Variants in SV2B observed in about 807,000 individuals in gnomAD.
SV2B encodes the protein solute carrier family 22 member B2.
A neutral mutation model predicts 73.9 loss-of-function variants in SV2B; 41 were observed. That is an observed-to-expected ratio of 0.56 (90% CI 0.43 to 0.72). SV2B has a LOEUF of 0.72. SV2B is among the 30% of genes least tolerant of loss of function. The pLI is 0.00. For missense variants in SV2B, 764 were observed against 857.8 expected, an observed-to-expected ratio of 0.89 and a Z score of 1.37; for synonymous variants, 314 against 314.2, an observed-to-expected ratio of 1.00 and a Z score of 0.01.
In SV2B at chr15:91,231,677, T is replaced by C. The variant is rs1233447049; in HGVS notation, c.451+4963T>C. Among the ~76,000 whole-genome samples the C allele has an allele frequency of 6.6e-6, 1 of 152,192 alleles. No individual in the cohort carries two copies. The highest frequency in any genetic ancestry group is 1.5e-5 in the Non-Finnish European group (1 of 68,038). ...CAACCTGGAACTGTGGGCTATTCCC[T>C]ACCTTCATGCCTATAATAGTGAGCT... is the stretch of plus-strand genomic sequence containing the variant. On this transcript the variant is annotated intron_variant, in intron 2 of 12. Transcript: ENST00000394232. This position sits in a 1 kb window ranked among gnomAD's most constrained non-coding sequence, Gnocchi z 4.5.
At chr15:91,111,948 G>A (rs908795808) in intron 1 of SV2B, among the ~76,000 whole-genome samples, 3 of 152,036 alleles carry the variant, frequency 2.0e-5, no homozygotes, top group Non-Finnish European at 4.4e-5. Flanking sequence ...AGCACCAAGG[G>A]AATGGTGCCA....
At chr15:91,185,552 G>C (rs958516934) in intron 1 of SV2B, among the ~76,000 whole-genome samples, 4 of 152,158 alleles carry the variant, frequency 2.6e-5, no homozygotes, top group Non-Finnish European at 5.9e-5. Context: ...TAAAGCACAT[G>C]GGGAGGAATG....
chr15:91,225,495 A>C (rs1358452934), intron 1 of SV2B, among the ~76,000 whole-genome samples: 1 of 152,214 alleles, frequency 6.6e-6, no homozygotes, highest in Non-Finnish European at 1.5e-5. Flanking sequence ...TGACCACTTT[A>C]TATTTCATTC....
rs1042158034 is a variant in SV2B at position 91,284,358 on chromosome 15, C to G, written c.1708+137C>G. Reference sequence around the variant, plus strand: ...CCAACAAGTAAGATTGCACCCAGGGCTATAGAGCCAAGGATGTGTGCCTAC... The same window carrying G: ...CCAACAAGTAAGATTGCACCCAGGGGTATAGAGCCAAGGATGTGTGCCTAC... On this transcript the variant is annotated intron_variant, in intron 11 of 12. Transcript: ENST00000394232. The surrounding 1 kb of genome is among the most constrained non-coding windows in gnomAD (Gnocchi z 4.5). The G allele has an allele frequency of 5.3e-6, 5 of 942,684 alleles. No individual in the cohort carries two copies. Among genetic ancestry groups the G allele is most frequent in the Admixed American group, 2.5e-5 (1 of 40,698 alleles). The allele number at this position is 942,684 out of a possible 1,614,324, so 58.4% of individuals were successfully genotyped here.
chr15:91,286,279 AG>A (rs969335154), intron 11 of SV2B, among the ~76,000 whole-genome samples: 73 of 152,322 alleles, frequency 4.8e-4, no homozygotes, highest in African/African-American at 1.6e-3. Context: ...ACTTTGAAAT[AG>A]CCCTATCCCC....
intron 1 of SV2B, among the ~76,000 whole-genome samples, chr15:91,166,392 C>A (rs1023290616): frequency 1.3e-4 from 19 of 151,720 alleles, no homozygotes; most frequent in African/African-American, 4.6e-4. Flanking sequence ...CTTAGTTTTT[C>A]CACAGTTTGA....
At chr15:91,257,337 G>A (rs1268970076) in intron 4 of SV2B, among the ~76,000 whole-genome samples, 1 of 152,126 alleles carries the variant, frequency 6.6e-6, no homozygotes, top group Non-Finnish European at 1.5e-5. Flanking sequence ...CAGTTCGATG[G>A]GATCAGACCA....
chr15:91,112,364 G>A (rs934240669), intron 1 of SV2B, among the ~76,000 whole-genome samples: 1 of 152,158 alleles, frequency 6.6e-6, no homozygotes, highest in Non-Finnish European at 1.5e-5. Flanking sequence ...ATGTGTGGCC[G>A]GGTGTGAATT....
rs537385411 is a variant in SV2B at position 91,140,560 on chromosome 15, C to G, written c.-392+40197C>G. 3.1e-4 allele frequency among the ~76,000 whole-genome samples: 47 copies of G among 152,196 alleles called. No individual in the cohort carries two copies. The highest frequency in any genetic ancestry group is 5.7e-4 in the Non-Finnish European group (39 of 68,034). ...GTTAGCACTAGCTCATTCATTAGGT[C>G]TGCTTCCATTTAACCCGAGGCCTGA... On this transcript the variant is annotated intron_variant, in intron 1 of 12. Coordinates refer to ENST00000394232, the MANE Select transcript of SV2B (RefSeq NM_001323032.3). The surrounding 1 kb of genome is among the most constrained non-coding windows in gnomAD (Gnocchi z 4.4).
chr15:91,123,999 A>G lies in SV2B; in HGVS notation c.-392+23636A>G, dbSNP rs1190076870. Reference sequence around the variant, plus strand: ...ACCTAGAGAAAATATTCAGCTTGCAAGCTGCTAGTTCACAGACAGGCTTGA... The same window carrying G: ...ACCTAGAGAAAATATTCAGCTTGCAGGCTGCTAGTTCACAGACAGGCTTGA... On this transcript the variant is annotated intron_variant, in intron 1 of 12. Coordinates refer to ENST00000394232, the MANE Select transcript of SV2B (RefSeq NM_001323032.3). This position sits in a 1 kb window ranked among gnomAD's most constrained non-coding sequence, Gnocchi z 4.7. Among the ~76,000 whole-genome samples, 1 of 152,192 alleles carries G rather than the reference A, an allele frequency of 6.6e-6. No homozygotes were observed. Among genetic ancestry groups the G allele is most frequent in the East Asian group, 1.9e-4 (1 of 5,198 alleles).
intron 1 of SV2B, among the ~76,000 whole-genome samples, chr15:91,152,064 T>G (rs2043329302): frequency 7.7e-6 from 1 of 130,284 alleles, no homozygotes; most frequent in Non-Finnish European, 1.6e-5. Context: ...CTGAGTTAAT[T>G]TTTACTCTTT....
In SV2B at chr15:91,129,782, C is replaced by T. The variant is rs959736665; in HGVS notation, c.-392+29419C>T. Among the ~76,000 whole-genome samples, 43 of 152,322 alleles carry T rather than the reference C, an allele frequency of 2.8e-4. No individual in the cohort carries two copies. The highest frequency in any genetic ancestry group is 2.4e-3 in the Admixed American group (37 of 15,302). Reference sequence around the variant, plus strand: ...GAGTTGGAGAGCCTGGATTAGAATCCCAGCCCTGCCACTTACTAACTGTGT... The same window carrying T: ...GAGTTGGAGAGCCTGGATTAGAATCTCAGCCCTGCCACTTACTAACTGTGT... On this transcript the variant is annotated intron_variant, in intron 1 of 12. Coordinates refer to ENST00000394232, the MANE Select transcript of SV2B (RefSeq NM_001323032.3). The surrounding 1 kb of genome is among the most constrained non-coding windows in gnomAD (Gnocchi z 5.1).
intron 1 of SV2B, among the ~76,000 whole-genome samples, chr15:91,204,287 T>G (rs945990639): frequency 3.3e-5 from 5 of 152,198 alleles, no homozygotes; most frequent in African/African-American, 4.8e-5. Flanking sequence ...CAAATCCAAA[T>G]TAATTAAAAT....
intron 11 of SV2B, among the ~76,000 whole-genome samples, chr15:91,285,067 G>A (rs889587920): frequency 4.6e-5 from 7 of 152,172 alleles, no homozygotes; most frequent in Admixed American, 2.6e-4. Context: ...AAGTTAATAC[G>A]AAGCTTCCTA....
rs1175457688 is a variant in SV2B, at chr15:91,299,469, A to G, written c.*6917A>G. On this transcript the variant is annotated 3_prime_UTR_variant, in exon 13 of 13. Coordinates refer to ENST00000394232, the MANE Select transcript of SV2B (RefSeq NM_001323032.3). ...ATGCTACACATTTTACAGTGGCAAT[A>G]TCAACCTTATCATGAGCTAAAGATT... 1 of 152,240 alleles carries G rather than the reference A, an allele frequency of 6.6e-6. No homozygotes were observed. The highest frequency in any genetic ancestry group is 1.9e-4 in the East Asian group (1 of 5,196). 9.4% of individuals were successfully genotyped at this position (152,240 alleles called of 1,614,324 possible).
At chr15:91,210,609 C>G (rs1054489216) in intron 1 of SV2B, among the ~76,000 whole-genome samples, 1 of 152,080 alleles carries the variant, frequency 6.6e-6, no homozygotes, top group African/African-American at 2.4e-5. Flanking sequence ...TCTAGCCTGC[C>G]CATCTCCCAG....
At position 91,231,239 on chromosome 15, in the gene SV2B, A is replaced by G. The variant is rs2046562335; in HGVS notation, c.451+4525A>G. Reference sequence around the variant, plus strand: ...CGGATTGCCATGTTTAGGAGTGCGGACTTGATTCCACTGGTAGTGGAGAGC... The same window carrying G: ...CGGATTGCCATGTTTAGGAGTGCGGGCTTGATTCCACTGGTAGTGGAGAGC... On this transcript the variant is annotated intron_variant, in intron 2 of 12. Coordinates refer to ENST00000394232, the MANE Select transcript of SV2B (RefSeq NM_001323032.3). The surrounding 1 kb of genome is among the most constrained non-coding windows in gnomAD (Gnocchi z 4.5). Among the ~76,000 whole-genome samples, 1 of 152,122 alleles carries G rather than the reference A, an allele frequency of 6.6e-6. No individual in the cohort carries two copies. The highest frequency in any genetic ancestry group is 2.1e-4 in the South Asian group (1 of 4,818).
Position 91,123,040 on chromosome 15 carries a change from G to A in SV2B, c.-392+22677G>A, listed in dbSNP as rs546723848. ...AATCCCAACACTTTGGGAGGCTGAG[G>A]TGGGAGGATCACTTGAGCTCAGGAG... is the stretch of plus-strand genomic sequence containing the variant. On this transcript the variant is annotated intron_variant, in intron 1 of 12. Transcript: ENST00000394232. The surrounding 1 kb of genome is among the most constrained non-coding windows in gnomAD (Gnocchi z 4.7). 5.9e-5 allele frequency among the ~76,000 whole-genome samples: 9 copies of A among 152,362 alleles called. No homozygotes were observed. The South Asian group carries it at 1.9e-3, about 32-fold the overall frequency.
chr15:91,247,837 G>A (rs540291736), intron 2 of SV2B, among the ~76,000 whole-genome samples: 22 of 152,276 alleles, frequency 1.4e-4, no homozygotes, highest in Admixed American at 4.6e-4. Context: ...GACCAAGTAA[G>A]GTCTAGGAGG....
Sources: allele counts gnomAD v4.1 joint callset (sites outside exome capture counted in the v4.1 genomes callset), GRCh38; gene constraint gnomAD v4.1.1; non-coding constraint Gnocchi (gnomAD v3.1); transcripts MANE v1.5; gene names NCBI Gene and HGNC (gene_info 2026-07-23, HGNC 2026-07-21).